ANKRD17: variants seen among roughly 807,000 people sequenced by gnomAD.
The protein encoded by ANKRD17 is ankyrin repeat domain 17, also known as ankyrin repeat domain-containing protein 17.
ANKRD17 carries 19 observed loss-of-function variants against 229.7 expected under a neutral mutation model. The ratio of observed to expected loss-of-function variants is 0.08; its 90% confidence interval spans 0.06 to 0.12. The LOEUF is 0.12. Ranked by LOEUF, ANKRD17 falls within the 10% of genes least tolerant of loss-of-function variation. The pLI is 1.00. For missense variants in ANKRD17, 2,176 were observed against 3,176.8 expected (o/e 0.68, Z 7.57); for synonymous variants, 1,112 against 1,146.1 (o/e 0.97, Z 0.60).
chr4:73,093,282 CTTTTA>C (rs1035263430), intron 28 of ANKRD17, among the ~76,000 whole-genome samples: 2 of 151,054 alleles, frequency 1.3e-5, no homozygotes, highest in Non-Finnish European at 2.9e-5. Context: ...TAGAACATCA[CTTTTA>C]TTTTAAGAAT....
At chr4:73,246,129 A>C (rs1744478999) in intron 1 of ANKRD17, among the ~76,000 whole-genome samples, 2 of 152,238 alleles carry the variant, frequency 1.3e-5, no homozygotes, top group Non-Finnish European at 2.9e-5. Context: ...AACAGACAGC[A>C]GTGAAAAGAG....
chr4:73,257,738 T>A (rs940788668), intron 1 of ANKRD17, among the ~76,000 whole-genome samples: 1 of 152,160 alleles, frequency 6.6e-6, no homozygotes, highest in Non-Finnish European at 1.5e-5. Flanking sequence ...TATGGAAAAG[T>A]ACAGCTTCTC....
At chr4:73,213,124 G>A (rs193200714) in intron 1 of ANKRD17, among the ~76,000 whole-genome samples, 81 of 151,920 alleles carry the variant, frequency 5.3e-4, no homozygotes, top group Admixed American at 1.6e-3. Flanking sequence ...TTGAGGTTTA[G>A]TTTCTCAAAC....
chr4:73,217,902 A>C (rs1184978010), intron 1 of ANKRD17, among the ~76,000 whole-genome samples: 2 of 152,214 alleles, frequency 1.3e-5, no homozygotes, highest in African/African-American at 4.8e-5. Flanking sequence ...AACCTGAAAA[A>C]ATCCAAACTC....
chr4:73,208,105 C>A (rs1331853515), intron 1 of ANKRD17, among the ~76,000 whole-genome samples: 1 of 140,126 alleles, frequency 7.1e-6, no homozygotes, highest in African/African-American at 2.7e-5. Flanking sequence ...AGGAGAATGG[C>A]GTGAGCCCGG....
At chr4:73,194,365 A>G (rs1443619184) in intron 1 of ANKRD17, among the ~76,000 whole-genome samples, 2 of 152,222 alleles carry the variant, frequency 1.3e-5, no homozygotes, top group African/African-American at 2.4e-5. Flanking sequence ...CATTTTCTCT[A>G]TTGAATTGCC....
At chr4:73,226,621 C>T (rs571131203) in intron 1 of ANKRD17, among the ~76,000 whole-genome samples, 1 of 151,924 alleles carries the variant, frequency 6.6e-6, no homozygotes, top group African/African-American at 2.4e-5. Flanking sequence ...TCTTGAATTC[C>T]TGACCTCGTA....
In ANKRD17 at chr4:73,146,806, A is replaced by G. The variant is rs773274616; in HGVS notation, c.1827T>C (p.His609=). The G allele has an allele frequency of 4.3e-6, 7 of 1,612,876 alleles. No individual in the cohort carries two copies. Among genetic ancestry groups the G allele is most frequent in the Non-Finnish European group, 5.9e-6 (7 of 1,179,220 alleles). ...TALTYACENG[H]TDVADVLLQA... ...GAAGTAAGACATCTGCTACATCAGT[A>G]TGACCATTTTCACAGGCATATGTTA... The change falls in exon 10 of 34, where the codon CAT becomes CAC. Residue 609 remains histidine (H), a synonymous_variant. Coordinates refer to ENST00000358602, the MANE Select transcript of ANKRD17 (RefSeq NM_032217.5).
chr4:73,175,130 G>A (rs1304600734), intron 2 of ANKRD17, among the ~76,000 whole-genome samples: 2 of 152,160 alleles, frequency 1.3e-5, no homozygotes, highest in African/African-American at 4.8e-5. Context: ...AATTTATCAA[G>A]AAAAGAGGTT....
chr4:73,254,443 G>A (rs1745280694), intron 1 of ANKRD17, among the ~76,000 whole-genome samples: 1 of 152,230 alleles, frequency 6.6e-6, no homozygotes, highest in South Asian at 2.1e-4. Flanking sequence ...CAACAAAAAT[G>A]TTTCTCCCCC....
chr4:73,114,591 A>G (rs900981528), intron 23 of ANKRD17, among the ~76,000 whole-genome samples: 2 of 152,052 alleles, frequency 1.3e-5, no homozygotes, highest in Non-Finnish European at 2.9e-5. Flanking sequence ...TCCCAAGTAC[A>G]TGAGACTAAT....
intron 24 of ANKRD17, among the ~76,000 whole-genome samples, chr4:73,106,137 G>A (rs1312948825): frequency 1.3e-5 from 2 of 152,062 alleles, no homozygotes; most frequent in Non-Finnish European, 2.9e-5. Flanking sequence ...TGAGAAAAAG[G>A]GTCAAGTTAG....
At chr4:73,139,275 C>T (rs1729311144) in intron 15 of ANKRD17, among the ~76,000 whole-genome samples, 1 of 152,046 alleles carries the variant, frequency 6.6e-6, no homozygotes, top group Admixed American at 6.6e-5. Context: ...AACATCAACC[C>T]CACTACTGAA....
At chr4:73,089,536 T>C (rs985763318) in intron 29 of ANKRD17, among the ~76,000 whole-genome samples, 1 of 152,140 alleles carries the variant, frequency 6.6e-6, no homozygotes, top group Non-Finnish European at 1.5e-5. Flanking sequence ...AAAAGGATAT[T>C]ACTTGAAAAA....
chr4:73,256,020 C>A (rs1049614442), intron 1 of ANKRD17, among the ~76,000 whole-genome samples: 1 of 152,122 alleles, frequency 6.6e-6, no homozygotes, highest in Non-Finnish European at 1.5e-5. Context: ...GCTACCACGC[C>A]CGGCCAATGG....
intron 16 of ANKRD17, among the ~76,000 whole-genome samples, chr4:73,133,366 G>C (rs1728475691): frequency 6.6e-6 from 1 of 151,332 alleles, no homozygotes; most frequent in Non-Finnish European, 1.5e-5. Context: ...AAACAACTAT[G>C]GCTCATCAAA....
Position 73,189,984 on chromosome 4 carries a change from T to C in ANKRD17, c.394-12451A>G, listed in dbSNP as rs184422660. On this transcript the variant is annotated intron_variant, in intron 1 of 33. Coordinates refer to ENST00000358602, the MANE Select transcript of ANKRD17 (RefSeq NM_032217.5). ...GAGGTATTACAGGTAAAAAAGAATA[T>C]GTATCATCTCAACAAAAGTACGTGA... 1.5e-3 allele frequency among the ~76,000 whole-genome samples: 224 copies of C among 152,336 alleles called. 2 individuals are homozygous for C. The highest frequency in any genetic ancestry group is 4.9e-3 in the African/African-American group (202 of 41,568).
At chr4:73,209,986 A>G (rs1330642147) in intron 1 of ANKRD17, among the ~76,000 whole-genome samples, 1 of 152,166 alleles carries the variant, frequency 6.6e-6, no homozygotes, top group Non-Finnish European at 1.5e-5. Context: ...GTAACAGAAT[A>G]CTTAATGGTG....
chr4:73,158,785 T>C (rs2148903080), intron 3 of ANKRD17, among the ~76,000 whole-genome samples: 1 of 152,340 alleles, frequency 6.6e-6, no homozygotes, highest in East Asian at 1.9e-4. Context: ...GTAGGCTTTA[T>C]AAAAGGAAGA....
Sources: allele counts gnomAD v4.1 joint callset (sites outside exome capture counted in the v4.1 genomes callset), GRCh38; gene constraint gnomAD v4.1.1; transcripts MANE v1.5; gene names NCBI Gene and HGNC (gene_info 2026-07-23, HGNC 2026-07-21).